The following SLC35B4 variants were observed in gnomAD, a reference collection of about 807,000 sequenced individuals.
The protein encoded by SLC35B4 is nucleotide sugar transporter SLC35B4.
Under a neutral mutation model 39.5 loss-of-function variants are expected in SLC35B4, and 28 were observed. The ratio of observed to expected loss-of-function variants is 0.71; its 90% CI spans 0.53 to 0.97. The LOEUF is 0.97. SLC35B4 is among the 50% of genes least tolerant of loss of function. The probability of loss-of-function intolerance (pLI) is 0.00; values close to 1 mark genes in which losing one functional copy is unlikely to be tolerated. For synonymous variants in SLC35B4, 145 were observed against 150.4 expected (o/e 0.96, Z 0.26); for missense variants, 334 against 414.3 (o/e 0.81, Z 1.68).
rs1803351752 is a variant in SLC35B4, at chr7:134,292,390, T to TG, written c.*2442dup. 1 of 152,372 alleles carries TG rather than the reference T, an allele frequency of 6.6e-6. No individual in the cohort carries two copies. 9.4% of individuals were successfully genotyped at this position (152,372 alleles called of 1,614,324 possible). A position where few individuals can be genotyped will look rare whatever the true frequency, so the allele number is the denominator to read the frequency against. On this transcript the variant is annotated 3_prime_UTR_variant, in exon 10 of 10. Transcript: ENST00000378509. The stretch of plus-strand genomic sequence containing the variant: ...TCTGCTTCTATATGTGGTCATCTTG[T>TG]GCGAGTGTTCTAATCTAATCTATTC...
rs1803346879 is a variant in SLC35B4, at chr7:134,292,228, T to TA, written c.*2604dup. 1.3e-5 allele frequency: 2 copies of TA among 154,326 alleles called. No homozygotes were observed. The highest frequency in any genetic ancestry group is 1.3e-4 in the Admixed American group (2 of 15,294). The allele number at this position is 154,326 out of a possible 1,614,324, so 9.6% of individuals were successfully genotyped here. On this transcript the variant is annotated 3_prime_UTR_variant, in exon 10 of 10. Coordinates refer to ENST00000378509, the MANE Select transcript of SLC35B4 (RefSeq NM_032826.5). The stretch of plus-strand genomic sequence containing the variant: ...GGTTGAAAAAATGTCCACCCTGGAT[T>TA]AAAAAATCAGTTAACCAAGGGGAAC...
rs192983528 is a variant in SLC35B4 at position 134,305,528 on chromosome 7, G to A, written c.295-674C>T. Among the ~76,000 whole-genome samples, 70 of 152,182 alleles carry A rather than the reference G, an allele frequency of 4.6e-4. 1 individual carries two copies. Among genetic ancestry groups the A allele is most frequent in the Middle Eastern group, 3.4e-3 (1 of 294 alleles). On this transcript the variant is annotated intron_variant, in intron 3 of 9. Transcript: ENST00000378509. Reference sequence around the variant, plus strand: ...TGGTTTAAACCCATGTTGTTCAAGGGTCAACTGTAATTGCTCAGTGCTGAA... The same window carrying A: ...TGGTTTAAACCCATGTTGTTCAAGGATCAACTGTAATTGCTCAGTGCTGAA...
chr7:134,306,547 C>T lies in SLC35B4; in HGVS notation c.294+125G>A, dbSNP rs1803713629. On this transcript the variant is annotated intron_variant, in intron 3 of 9. Coordinates refer to ENST00000378509, the MANE Select transcript of SLC35B4 (RefSeq NM_032826.5). ...TGAAAGCCACCCTTGCTCACGCATT[C>T]ACAAACCTATTCTTCTACCCAAGAC... The T allele has an allele frequency of 6.3e-6, 4 of 632,378 alleles. No homozygotes were observed. The South Asian group carries it at 1.3e-4, about 20-fold the overall frequency. 39.2% of individuals were successfully genotyped at this position (632,378 alleles called of 1,614,324 possible).
At chr7:134,317,883 C>T (rs985205753), upstream of SLC35B4, among the ~76,000 whole-genome samples, 1 of 152,256 alleles carries the variant, frequency 6.6e-6, no homozygotes, top group Non-Finnish European at 1.5e-5. Context: ...CGTGTTTACA[C>T]TTCCTTTCTG....
At chr7:134,301,999 T>C (rs1471426583) in intron 5 of SLC35B4, 30 bp downstream of exon 5, 1 of 1,604,168 alleles carries the variant, frequency 6.2e-7, no homozygotes, top group Non-Finnish European at 8.5e-7. Flanking sequence ...TAGCAAGTAG[T>C]GAACATAAAA....
chr7:134,316,714 C>T lies in SLC35B4; in HGVS notation c.38G>A (p.Gly13Asp), dbSNP rs1803991597. 3.9e-6 allele frequency: 6 copies of T among 1,550,416 alleles called. No individual in the cohort carries two copies. The highest frequency in any genetic ancestry group is 2.0e-5 in the Admixed American group (1 of 50,988). Residue 13 changes from glycine (G) to aspartate (D), a missense_variant, in exon 1 of 10, where the codon GGC becomes GAC. Gly to Asp is a moderately conservative substitution (Grantham distance 94). Coordinates refer to ENST00000378509, the MANE Select transcript of SLC35B4 (RefSeq NM_032826.5). ...PALAVGLVFA[G>D]CCSNVIFLEL... ...TAGGAAGATCACGTTACTGCAGCAGCCTGCGAACACCAGGCCCACCGCCAA... is the reference window on the plus strand; with the variant it reads ...TAGGAAGATCACGTTACTGCAGCAGTCTGCGAACACCAGGCCCACCGCCAA...
At chr7:134,307,485 T>C (rs1803735723) in intron 2 of SLC35B4, among the ~76,000 whole-genome samples, 2 of 152,188 alleles carry the variant, frequency 1.3e-5, no homozygotes, top group Non-Finnish European at 2.9e-5. Context: ...TCTACATATA[T>C]TGGGCCAAAC....
chr7:134,317,097 T>C (rs1040082570), upstream of SLC35B4: 8 of 248,916 alleles, frequency 3.2e-5, no homozygotes, highest in African/African-American at 1.8e-4. Flanking sequence ...GTGCCCGGCA[T>C]GACTCGCGCG....
At chr7:134,307,326 A>G (rs1335542216) in intron 2 of SLC35B4, among the ~76,000 whole-genome samples, 1 of 123,286 alleles carries the variant, frequency 8.1e-6, no homozygotes, top group Non-Finnish European at 1.7e-5. Flanking sequence ...TTAAAATAAT[A>G]GAAACAAAAA....
At chr7:134,301,707 C>G in intron 6 of SLC35B4, 54 bp downstream of exon 6, 1 of 1,528,468 alleles carries the variant, frequency 6.5e-7, no homozygotes, top group Non-Finnish European at 9.0e-7. Context: ...TAGGAGAAAA[C>G]TCAGCAAACA....
chr7:134,294,909 G>T lies in SLC35B4; in HGVS notation c.920C>A (p.Thr307Asn), dbSNP rs1487919654. 4 of 1,614,014 alleles carry T rather than the reference G, an allele frequency of 2.5e-6. No individual in the cohort carries two copies. Among genetic ancestry groups the T allele is most frequent in the African/African-American group, 1.3e-5 (1 of 74,876 alleles). ...WLGTLFVFIG[T>N]LMYTEVWNNL... ...GTTCCACACCTCTGTGTACATTAAGGTCCCAATGAAGACAAACAAGGTGCC... is the reference window on the plus strand; with the variant it reads ...GTTCCACACCTCTGTGTACATTAAGTTCCCAATGAAGACAAACAAGGTGCC... Residue 307 changes from threonine to asparagine, a missense_variant, in exon 10 of 10, where the codon ACC (threonine) becomes AAC (asparagine). Transcript: ENST00000378509.
At chr7:134,295,200 C>A in intron 9 of SLC35B4, 121 bp from the exon 10 acceptor site, 2 of 1,314,660 alleles carry the variant, frequency 1.5e-6, no homozygotes, top group Admixed American at 2.1e-5. Flanking sequence ...AGGTCCGCTA[C>A]GGCAGCTCTG....
At chr7:134,303,318 A>C (rs1306127096) in intron 4 of SLC35B4, among the ~76,000 whole-genome samples, 1 of 152,210 alleles carries the variant, frequency 6.6e-6, no homozygotes, top group Non-Finnish European at 1.5e-5. Context: ...TCAGGAGAAT[A>C]CAATTTCTCT....
chr7:134,292,559 T>C lies in SLC35B4; in HGVS notation c.*2274A>G, dbSNP rs1472137800. 4.6e-5 allele frequency: 7 copies of C among 152,106 alleles called. No individual in the cohort carries two copies. The highest frequency in any genetic ancestry group is 9.7e-5 in the African/African-American group (4 of 41,402). The allele number at this position is 152,106 out of a possible 1,614,324, so 9.4% of individuals were successfully genotyped here. A position where few individuals can be genotyped will look rare whatever the true frequency, so the allele number is the denominator to read the frequency against. On this transcript the variant is annotated 3_prime_UTR_variant, in exon 10 of 10. Coordinates refer to ENST00000378509, the MANE Select transcript of SLC35B4 (RefSeq NM_032826.5). ...TCAACACATACCCAATGAAGAAAACTTGTAATGTTTTCATCAACATAAAAT... is the reference window on the plus strand; with the variant it reads ...TCAACACATACCCAATGAAGAAAACCTGTAATGTTTTCATCAACATAAAAT...
chr7:134,295,569 G>A (rs1188450468), intron 9 of SLC35B4, among the ~76,000 whole-genome samples: 1 of 151,946 alleles, frequency 6.6e-6, no homozygotes, highest in Non-Finnish European at 1.5e-5. Flanking sequence ...TTTAAAAAAC[G>A]AAAACTTGAT....
chr7:134,301,919 C>T, intron 5 of SLC35B4, 98 bp from the exon 6 acceptor site: 1 of 1,508,822 alleles, frequency 6.6e-7, no homozygotes, highest in Non-Finnish European at 9.2e-7. Flanking sequence ...TCCCTCCCCT[C>T]TTCTCTTTCA....
intron 1 of SLC35B4, among the ~76,000 whole-genome samples, chr7:134,315,282 A>G (rs951632628): frequency 6.6e-6 from 1 of 152,190 alleles, no homozygotes; most frequent in African/African-American, 2.4e-5. Context: ...CACTTCAGTA[A>G]AACAGTTTAT....
At chr7:134,300,075 G>C in intron 7 of SLC35B4, 77 bp downstream of exon 7, 1 of 1,051,886 alleles carries the variant, frequency 9.5e-7, no homozygotes, top group Admixed American at 2.2e-5. Flanking sequence ...CTACATCAGA[G>C]AATATTAATA....
At chr7:134,315,942 A>G (rs12112175) in intron 1 of SLC35B4, among the ~76,000 whole-genome samples, 3,974 of 151,288 alleles carry the variant, frequency 0.026, 110 homozygotes, top group African/African-American at 0.067. Flanking sequence ...TGCACATTCA[A>G]AGTGACCTCA....
Sources: allele counts gnomAD v4.1 joint callset (sites outside exome capture counted in the v4.1 genomes callset), GRCh38; gene constraint gnomAD v4.1.1; transcripts MANE v1.5; gene names NCBI Gene and HGNC (gene_info 2026-07-23, HGNC 2026-07-21).